The following GAS7 variants were observed in gnomAD, a reference collection of about 807,000 sequenced individuals.
The protein encoded by GAS7 is growth arrest specific 7.
GAS7 carries 28 observed loss-of-function variants against 71.1 expected under a neutral mutation model. The ratio of observed to expected loss-of-function variants is 0.39; its 90% CI spans 0.29 to 0.54. The LOEUF is 0.54. GAS7 is among the 20% of genes least tolerant of loss of function. GAS7 has a pLI of 0.62. For synonymous variants in GAS7, 258 were observed against 245.8 expected (o/e 1.05, Z -0.46); for missense variants, 436 against 627.8 (o/e 0.69, Z 3.27).
chr17:9,982,829 G>GA (rs2070470572), intron 2 of GAS7, among the ~76,000 whole-genome samples: 1 of 75,336 alleles, frequency 1.3e-5, no homozygotes, highest in Non-Finnish European at 3.2e-5. Context: ...AGAAAGGAAA[G>GA]AAAGAAAGAA....
intron 4 of GAS7, among the ~76,000 whole-genome samples, chr17:9,967,572 T>C (rs921465202): frequency 6.6e-6 from 1 of 152,182 alleles, no homozygotes; most frequent in Non-Finnish European, 1.5e-5. Context: ...ATAGATTTCC[T>C]TCTGCCAAAT....
At chr17:10,010,767 T>C (rs2071739791) in intron 2 of GAS7, among the ~76,000 whole-genome samples, 1 of 152,254 alleles carries the variant, frequency 6.6e-6, no homozygotes, top group Admixed American at 6.5e-5. Context: ...TATACATCTC[T>C]TGTAATTTAT....
In GAS7 at chr17:9,926,847, G is replaced by C; in HGVS notation, c.886-78C>G. 11 of 1,510,822 alleles carry C rather than the reference G, an allele frequency of 7.3e-6. No homozygotes were observed. Among genetic ancestry groups the C allele is most frequent in the South Asian group, 1.1e-5 (1 of 88,692 alleles). 93.6% of individuals were successfully genotyped at this position (1,510,822 alleles called of 1,614,324 possible). On this transcript the variant is annotated intron_variant, in intron 9 of 13. Transcript: ENST00000432992. This position sits in a 1 kb window ranked among gnomAD's most constrained non-coding sequence, Gnocchi z 5.0. ...CAGTGCAGGGAGGAGGGATGGGAGG[G>C]GCACCCCCACTTCCCCAGGCAAGTG... is the stretch of plus-strand genomic sequence containing the variant.
At chr17:10,080,936 AT>A (rs1192223212) in intron 1 of GAS7, among the ~76,000 whole-genome samples, 1 of 152,236 alleles carries the variant, frequency 6.6e-6, no homozygotes, top group Non-Finnish European at 1.5e-5. Context: ...TTATAAAAAC[AT>A]ACAGCAAAGG....
chr17:10,194,800 C>T (rs988372107), intron 1 of GAS7, among the ~76,000 whole-genome samples: 6 of 148,802 alleles, frequency 4.0e-5, no homozygotes, highest in Admixed American at 2.0e-4. Context: ...GGCGAAACCT[C>T]ACCTCTACTC....
At chr17:10,033,139 T>A (rs900046787) in intron 1 of GAS7, among the ~76,000 whole-genome samples, 3 of 152,200 alleles carry the variant, frequency 2.0e-5, no homozygotes, top group Non-Finnish European at 4.4e-5. Context: ...TGCTAGTTGA[T>A]ATCTATAACG....
In GAS7 at chr17:9,963,727, A is replaced by T. The variant is rs145590376; in HGVS notation, c.472-4472T>A. ...AGCCTGAGGTACAGAACAAGACCCC[A>T]TCTCTCTCTTTTTTCTTTCTTAAAA... On this transcript the variant is annotated intron_variant, in intron 4 of 13. Coordinates refer to ENST00000432992, the MANE Select transcript of GAS7 (RefSeq NM_201433.2). Among the ~76,000 whole-genome samples, 4 of 152,236 alleles carry T rather than the reference A, an allele frequency of 2.6e-5. No homozygotes were observed. The East Asian group carries it at 7.7e-4, about 29-fold the overall frequency.
chr17:9,927,081 G>T, intron 9 of GAS7: 1 of 301,780 alleles, frequency 3.3e-6, no homozygotes, highest in African/African-American at 2.1e-5. Context: ...TAAATTTTTA[G>T]AATTTTTTAC....
At chr17:10,158,100 TC>T (rs1309609926) in intron 1 of GAS7, among the ~76,000 whole-genome samples, 2 of 152,156 alleles carry the variant, frequency 1.3e-5, no homozygotes, top group African/African-American at 2.4e-5. Context: ...AAGCTCTGCC[TC>T]CCAGGTTGAT....
At chr17:10,169,430 A>G (rs2074318880) in intron 1 of GAS7, among the ~76,000 whole-genome samples, 1 of 152,212 alleles carries the variant, frequency 6.6e-6, no homozygotes. Context: ...GCTACAGTTT[A>G]TGCTGTTTGT....
Position 9,910,719 on chromosome 17 carries a change from G to A in GAS7, c.*6509C>T, listed in dbSNP as rs528340023. On this transcript the variant is annotated 3_prime_UTR_variant, in exon 14 of 14. Coordinates refer to ENST00000432992, the MANE Select transcript of GAS7 (RefSeq NM_201433.2). ...CTTCAGCATTAATACACACAAATGC[G>A]GTAACAGGGGTCAGGGGGGTGGTGC... 5.3e-4 allele frequency: 115 copies of A among 218,426 alleles called. No individual in the cohort carries two copies. The highest frequency in any genetic ancestry group is 2.2e-3 in the South Asian group (12 of 5,400). The allele number at this position is 218,426 out of a possible 1,614,324, so 13.5% of individuals were successfully genotyped here. A position where few individuals can be genotyped will look rare whatever the true frequency, so the allele number is the denominator to read the frequency against.
At chr17:10,074,086 C>G (rs914183621) in intron 1 of GAS7, among the ~76,000 whole-genome samples, 3 of 152,152 alleles carry the variant, frequency 2.0e-5, no homozygotes, top group African/African-American at 7.2e-5. Context: ...CAGGCAGCCA[C>G]GCAGCAGTGT....
At chr17:10,158,323 T>C (rs1266315531) in intron 1 of GAS7, among the ~76,000 whole-genome samples, 14 of 143,304 alleles carry the variant, frequency 9.8e-5, no homozygotes, top group Admixed American at 1.4e-4. Flanking sequence ...AATCCTGTTT[T>C]TTCTTTTTTT....
intron 2 of GAS7, among the ~76,000 whole-genome samples, chr17:10,005,154 CATGT>C (rs964963135): frequency 2.3e-4 from 8 of 34,592 alleles, no homozygotes; most frequent in Non-Finnish European, 3.9e-4. Flanking sequence ...CGCATGCATG[CATGT>C]GTGTGCGCAC....
At chr17:10,126,416 G>A (rs574281775) in intron 1 of GAS7, among the ~76,000 whole-genome samples, 33 of 146,292 alleles carry the variant, frequency 2.3e-4, no homozygotes, top group Admixed American at 1.2e-3. Flanking sequence ...GTGCAAACAC[G>A]CACACACAAA....
chr17:9,935,929 G>A (rs2068383889), intron 8 of GAS7, among the ~76,000 whole-genome samples: 1 of 152,244 alleles, frequency 6.6e-6, no homozygotes, highest in Non-Finnish European at 1.5e-5. Flanking sequence ...TGGGTAGGAG[G>A]TCCAGGGGTG....
rs185000099 is a variant in GAS7, at chr17:10,103,811, G to A, written c.184-83914C>T. On this transcript the variant is annotated intron_variant, in intron 1 of 13. Coordinates refer to ENST00000432992, the MANE Select transcript of GAS7 (RefSeq NM_201433.2). The surrounding 1 kb of genome is among the most constrained non-coding windows in gnomAD (Gnocchi z 5.5). Reference sequence around the variant, plus strand: ...ATTGCACTCCAGCCTGGGTGACACAGCAAGACTGCATCTCAAAAAATCTCA... The same window carrying A: ...ATTGCACTCCAGCCTGGGTGACACAACAAGACTGCATCTCAAAAAATCTCA... Among the ~76,000 whole-genome samples, 3 of 149,684 alleles carry A rather than the reference G, an allele frequency of 2.0e-5. No homozygotes were observed. The highest frequency in any genetic ancestry group is 7.4e-5 in the African/African-American group (3 of 40,610).
rs117730624 is a variant in GAS7 at position 9,934,287 on chromosome 17, C to T, written c.807-43G>A. 3.3e-4 allele frequency: 451 copies of T among 1,373,954 alleles called. 2 individuals are homozygous for T. In the East Asian group the frequency reaches 0.01, roughly 32 times the overall value. 85.1% of individuals were successfully genotyped at this position (1,373,954 alleles called of 1,614,324 possible). ...TGAGACTCAGGTCACAAGCCAAAGC[C>T]CTTCCTGAGGCAGGATGGTGGGGCT... is the stretch of plus-strand genomic sequence containing the variant. On this transcript the variant is annotated intron_variant, in intron 8 of 13. Transcript: ENST00000432992.
In GAS7 at chr17:9,912,977, C is replaced by T. The variant is rs2067478752; in HGVS notation, c.*4251G>A. The T allele has an allele frequency of 4.3e-6, 1 of 232,898 alleles. No individual in the cohort carries two copies. The highest frequency in any genetic ancestry group is 8.5e-6 in the Non-Finnish European group (1 of 117,844). 14.4% of individuals were successfully genotyped at this position (232,898 alleles called of 1,614,324 possible). On this transcript the variant is annotated 3_prime_UTR_variant, in exon 14 of 14. Coordinates refer to ENST00000432992, the MANE Select transcript of GAS7 (RefSeq NM_201433.2). ...TCAAAAGGCGACATCAGTGTGACTC[C>T]ATTTATATGACATTCTAGAAAAGGC...
Sources: gnomAD v4.1 joint callset for allele counts (sites outside exome capture counted in the v4.1 genomes callset) on GRCh38, gnomAD v4.1.1 for gene constraint, Gnocchi (gnomAD v3.1) non-coding constraint, MANE v1.5 for transcripts, NCBI Gene and HGNC (gene_info 2026-07-23, HGNC 2026-07-21) for gene names.